DPYD: variants seen among roughly 807,000 people sequenced by gnomAD.
The protein encoded by DPYD is dihydropyrimidine dehydrogenase [NADP(+)].
In DPYD, 109 loss-of-function variants were observed where a neutral mutation model predicts 116.2. The observed-to-expected ratio is 0.94, with a 90% confidence interval of 0.80 to 1.10. The LOEUF (loss-of-function observed/expected upper bound fraction) is 1.10, where lower values mean the gene tolerates loss of function less well. Among genes scored for constraint, DPYD ranks in the 50% least tolerant of loss-of-function variants. The pLI, the probability that DPYD is intolerant of heterozygous loss-of-function variation, is 0.00. For missense variants in DPYD, 1,302 were observed against 1,254.5 expected, an observed-to-expected ratio of 1.04 and a Z score of -0.57; for synonymous variants, 440 against 432.0, an observed-to-expected ratio of 1.02 and a Z score of -0.23.
At chr1:97,524,204 G>A (rs1351380590) in intron 12 of DPYD, among the ~76,000 whole-genome samples, 2 of 152,098 alleles carry the variant, frequency 1.3e-5, no homozygotes, top group African/African-American at 4.8e-5. Flanking sequence ...TCCCTTAGAT[G>A]CAGAAAAGAA....
At chr1:97,538,534 A>C (rs74550569) in intron 12 of DPYD, among the ~76,000 whole-genome samples, 12,808 of 152,194 alleles carry the variant, frequency 0.084, 667 homozygotes, top group South Asian at 0.1. Context: ...GCCAGAAGAA[A>C]ATACACACAG....
chr1:97,289,661 T>A (rs1189546541), intron 18 of DPYD, among the ~76,000 whole-genome samples: 23 of 152,124 alleles, frequency 1.5e-4, no homozygotes, highest in Non-Finnish European at 2.9e-5. Flanking sequence ...AAACTCTCAA[T>A]AAATTAGGTA....
chr1:97,450,180 G>A lies in DPYD; in HGVS notation c.1784C>T (p.Thr595Ile). The A allele has an allele frequency of 6.2e-7, 1 of 1,613,852 alleles. No individual in the cohort carries two copies. The highest frequency in any genetic ancestry group is 8.5e-7 in the Non-Finnish European group (1 of 1,179,836). ...NVSPRIIRGT[T>I]SGPMYGPGQS... The stretch of plus-strand genomic sequence containing the variant: ...TCCAGGGCCATACATGGGGCCAGAG[G>A]TGGTTCCCCGGATGATTCTGGGGGA... The change falls in exon 14 of 23, where the codon ACC (threonine) becomes ATC (isoleucine). Residue 595 changes from threonine to isoleucine, a missense_variant. By Grantham distance (89) the Thr-to-Ile change is moderately conservative. Transcript: ENST00000370192.
chr1:97,681,906 G>A (rs1660446590), intron 7 of DPYD, among the ~76,000 whole-genome samples: 1 of 152,110 alleles, frequency 6.6e-6, no homozygotes, highest in Admixed American at 6.5e-5. Context: ...ATTGGTGGAG[G>A]TGATTCTCAA....
intron 5 of DPYD, among the ~76,000 whole-genome samples, chr1:97,705,109 A>T (rs1275403822): frequency 6.6e-6 from 1 of 151,714 alleles, no homozygotes; most frequent in East Asian, 1.9e-4. Flanking sequence ...TCTTAAGGCT[A>T]CTTGACTCCA....
chr1:97,682,588 G>A (rs1318609528), intron 7 of DPYD, among the ~76,000 whole-genome samples: 2 of 152,110 alleles, frequency 1.3e-5, no homozygotes, highest in African/African-American at 2.4e-5. Flanking sequence ...GAAATGAAAT[G>A]TGTGTTAACT....
intron 19 of DPYD, among the ~76,000 whole-genome samples, chr1:97,204,976 C>T (rs1022223483): frequency 6.6e-6 from 1 of 151,916 alleles, no homozygotes; most frequent in Non-Finnish European, 1.5e-5. Context: ...TGGCCTCCAA[C>T]TTTAAAAAAA....
chr1:97,828,016 G>A, intron 3 of DPYD, 98 bp downstream of exon 3: 2 of 1,138,258 alleles, frequency 1.8e-6, no homozygotes, highest in Non-Finnish European at 2.6e-6. Flanking sequence ...AGAGAACAGA[G>A]CTGAATGGTG....
chr1:97,433,104 G>A (rs1177293263), intron 14 of DPYD, among the ~76,000 whole-genome samples: 1 of 152,130 alleles, frequency 6.6e-6, no homozygotes, highest in Admixed American at 6.6e-5. Flanking sequence ...CTTCCAAAGA[G>A]CCACTGCAGT....
intron 8 of DPYD, among the ~76,000 whole-genome samples, chr1:97,678,041 C>A (rs1053283789): frequency 6.6e-6 from 1 of 152,112 alleles, no homozygotes; most frequent in East Asian, 1.9e-4. Context: ...TGGTCCCCAA[C>A]CTTTTTGGCA....
At chr1:97,459,653 C>A (rs1436241868) in intron 13 of DPYD, among the ~76,000 whole-genome samples, 1 of 151,958 alleles carries the variant, frequency 6.6e-6, no homozygotes, top group Non-Finnish European at 1.5e-5. Flanking sequence ...GAATTGCATA[C>A]CTTGTAGACT....
chr1:97,587,335 T>C (rs745381769), intron 10 of DPYD, among the ~76,000 whole-genome samples: 4 of 152,204 alleles, frequency 2.6e-5, no homozygotes, highest in Admixed American at 6.5e-5. Flanking sequence ...CATGTCAACA[T>C]GTCTCTGATT....
intron 1 of DPYD, among the ~76,000 whole-genome samples, chr1:97,907,562 T>C (rs889290832): frequency 1.3e-5 from 2 of 152,124 alleles, no homozygotes; most frequent in African/African-American, 2.4e-5. Flanking sequence ...TATTTAGGAA[T>C]AGTCAACCCC....
intron 2 of DPYD, among the ~76,000 whole-genome samples, chr1:97,830,466 C>A (rs1291904083): frequency 2.6e-5 from 4 of 152,002 alleles, no homozygotes; most frequent in South Asian, 2.1e-4. Context: ...GTAATCCCAG[C>A]ACTTTGGGAG....
chr1:97,126,075 C>T (rs1302520620), intron 20 of DPYD, among the ~76,000 whole-genome samples: 1 of 152,058 alleles, frequency 6.6e-6, no homozygotes, highest in Non-Finnish European at 1.5e-5. Context: ...TAAACTTCAG[C>T]CATGCTCTTG....
chr1:97,813,262 C>T (rs1222265013), intron 3 of DPYD, among the ~76,000 whole-genome samples: 1 of 152,010 alleles, frequency 6.6e-6, no homozygotes, highest in Non-Finnish European at 1.5e-5. Context: ...ATTCCCCAAA[C>T]AGCTTTTTCA....
At chr1:97,565,707 T>G (rs1426252204) in intron 11 of DPYD, among the ~76,000 whole-genome samples, 1 of 152,194 alleles carries the variant, frequency 6.6e-6, no homozygotes, top group Non-Finnish European at 1.5e-5. Context: ...TCTATTTCTC[T>G]CATTAGCCTA....
chr1:97,712,347 T>G (rs528572035), intron 5 of DPYD, among the ~76,000 whole-genome samples: 1 of 152,220 alleles, frequency 6.6e-6, no homozygotes, highest in Admixed American at 6.6e-5. Context: ...AGCCCAAAAC[T>G]GACCTTTTCT....
At chr1:97,278,233 T>C (rs770854029) in intron 18 of DPYD, among the ~76,000 whole-genome samples, 10 of 152,220 alleles carry the variant, frequency 6.6e-5, no homozygotes, top group Non-Finnish European at 1.3e-4. Context: ...CCAGAAATGT[T>C]AGTGAAAGTT....
Sources: allele counts gnomAD v4.1 joint callset (sites outside exome capture counted in the v4.1 genomes callset), GRCh38; gene constraint gnomAD v4.1.1; transcripts MANE v1.5; gene names NCBI Gene and HGNC (gene_info 2026-07-23, HGNC 2026-07-21).